The following AMD1 variants were observed in gnomAD, a reference collection of about 807,000 sequenced individuals.
The protein encoded by AMD1 is adenosylmethionine decarboxylase 1, also known as S-adenosylmethionine decarboxylase proenzyme.
Under a neutral mutation model 40.2 loss-of-function variants are expected in AMD1, and 11 were observed. The observed-to-expected ratio is 0.27, with a 90% CI of 0.17 to 0.45. The LOEUF (loss-of-function observed/expected upper bound fraction) is 0.45, where lower values mean the gene tolerates loss of function less well. Among genes scored for constraint, AMD1 ranks in the 20% least tolerant of loss-of-function variants. The pLI is 1.00. For synonymous variants in AMD1, 121 were observed against 130.8 expected, an observed-to-expected ratio of 0.93 and a Z score of 0.51; for missense variants, 257 against 410.2, an observed-to-expected ratio of 0.63 and a Z score of 3.23.
the AMD1 span, among the ~76,000 whole-genome samples, chr6:110,855,705 T>A: frequency 1.3e-5 from 2 of 151,766 alleles, no homozygotes; most frequent in Non-Finnish European, 2.9e-5. Flanking sequence ...AAAGGTAGAG[T>A]GACAAAAATG....
the AMD1 span, among the ~76,000 whole-genome samples, chr6:110,831,555 GA>G: frequency 6.6e-6 from 1 of 151,740 alleles, no homozygotes. Context: ...TTCACCTTCC[GA>G]AGTGCCGGGA....
Position 110,893,981 on chromosome 6 carries a change from A to ACTC in AMD1, c.*365_*366insCTC. On this transcript the variant is annotated 3_prime_UTR_variant, in exon 9 of 9. Transcript: ENST00000368885. The stretch of plus-strand genomic sequence containing the variant: ...GTATCATCCAAAATTCCCCACAGAC[A>ACTC]AGGCTTTCGTCCTCATTAGGTGTTG... The ACTC allele has an allele frequency of 2.8e-5, 6 of 212,426 alleles. No individual in the cohort carries two copies. The highest frequency in any genetic ancestry group is 1.5e-4 in the South Asian group (2 of 12,916). 13.2% of individuals were successfully genotyped at this position (212,426 alleles called of 1,614,324 possible).
chr6:110,856,003 C>T, the AMD1 span, among the ~76,000 whole-genome samples: 2 of 152,122 alleles, frequency 1.3e-5, no homozygotes, highest in African/African-American at 4.8e-5. Context: ...TTAATTGAGC[C>T]TGGGAGGTTG....
At chr6:110,871,642 G>C (rs1180122465), upstream of AMD1, among the ~76,000 whole-genome samples, 3 of 152,222 alleles carry the variant, frequency 2.0e-5, no homozygotes, top group African/African-American at 7.2e-5. Context: ...GAAAGCTTGA[G>C]TTGAAGACAG....
At chr6:110,814,973 C>G in the AMD1 span, 4 of 1,597,330 alleles carry the variant, frequency 2.5e-6, no homozygotes, top group Non-Finnish European at 3.4e-6. Flanking sequence ...AGGGCGAGGA[C>G]CCGAGCGAGC....
the AMD1 span, among the ~76,000 whole-genome samples, chr6:110,838,527 C>T: frequency 6.6e-6 from 1 of 152,034 alleles, no homozygotes; most frequent in Non-Finnish European, 1.5e-5. Context: ...GTATGAAGCA[C>T]CAGGGACCTC....
chr6:110,876,847 C>T (rs1376152858), intron 1 of AMD1, among the ~76,000 whole-genome samples: 1 of 147,458 alleles, frequency 6.8e-6, no homozygotes, highest in African/African-American at 2.7e-5. Context: ...TAAGAACAGT[C>T]CTAGAAAACG....
chr6:110,871,655 G>A (rs1441670652), upstream of AMD1, among the ~76,000 whole-genome samples: 1 of 152,180 alleles, frequency 6.6e-6, no homozygotes, highest in Non-Finnish European at 1.5e-5. Context: ...GAAGACAGCT[G>A]AGTTTTTGTA....
At chr6:110,875,623 G>A (rs1361387068) in intron 1 of AMD1, 1 of 162,200 alleles carries the variant, frequency 6.2e-6, no homozygotes, top group Non-Finnish European at 1.3e-5. Context: ...CCTCCGGCAG[G>A]TGTGGCTCGG....
At position 110,895,515 on chromosome 6, in the gene AMD1, A is replaced by G. The variant is rs1049808; in HGVS notation, c.*1899A>G. 1 of 152,638 alleles carries G rather than the reference A, an allele frequency of 6.6e-6. No homozygotes were observed. 9.5% of individuals were successfully genotyped at this position (152,638 alleles called of 1,614,324 possible). ...AAGAATTCTAATGTTGAAAAACTGC[A>G]CAAATTTTTATGGGACAAAGCCTAG... is the stretch of plus-strand genomic sequence containing the variant. On this transcript the variant is annotated 3_prime_UTR_variant, in exon 9 of 9. Coordinates refer to ENST00000368885, the MANE Select transcript of AMD1 (RefSeq NM_001634.6).
chr6:110,871,357 A>G (rs1247709631), upstream of AMD1, among the ~76,000 whole-genome samples: 2 of 152,242 alleles, frequency 1.3e-5, no homozygotes, highest in East Asian at 3.8e-4. Flanking sequence ...AAACACTACT[A>G]TAGTTAGAAA....
Position 110,894,802 on chromosome 6 carries a change from T to C in AMD1, c.*1186T>C, listed in dbSNP as rs1786219739. 6.6e-6 allele frequency: 1 copy of C among 152,176 alleles called. No individual in the cohort carries two copies. The highest frequency in any genetic ancestry group is 2.4e-5 in the African/African-American group (1 of 41,450). The allele number at this position is 152,176 out of a possible 1,614,324, so 9.4% of individuals were successfully genotyped here. A position where few individuals can be genotyped will look rare whatever the true frequency, so the allele number is the denominator to read the frequency against. On this transcript the variant is annotated 3_prime_UTR_variant, in exon 9 of 9. Coordinates refer to ENST00000368885, the MANE Select transcript of AMD1 (RefSeq NM_001634.6). The stretch of plus-strand genomic sequence containing the variant: ...CTTAAAGTTCTGTGACTGTGATGCA[T>C]GTGAGTGTTCCGACTTCATCTGTTC...
At chr6:110,837,449 G>A in the AMD1 span, among the ~76,000 whole-genome samples, 4 of 151,500 alleles carry the variant, frequency 2.6e-5, no homozygotes, top group Non-Finnish European at 5.9e-5. Context: ...GGTGGCTCAT[G>A]CCTGTAATCC....
intron 1 of AMD1, among the ~76,000 whole-genome samples, chr6:110,877,148 C>CA (rs1429923568): frequency 6.6e-6 from 1 of 152,200 alleles, no homozygotes; most frequent in Non-Finnish European, 1.5e-5. Flanking sequence ...CTTTGAAGGA[C>CA]AAAATATTCC....
the AMD1 span, among the ~76,000 whole-genome samples, chr6:110,826,197 G>A: frequency 3.3e-4 from 48 of 144,916 alleles, 1 homozygote; most frequent in African/African-American, 1.1e-3. Flanking sequence ...GCTTGAACCC[G>A]GGAGGTGGAG....
At chr6:110,815,362 G>A in the AMD1 span, 7 of 399,838 alleles carry the variant, frequency 1.8e-5, no homozygotes, top group Middle Eastern at 6.9e-4. Flanking sequence ...CGCGACGGCG[G>A]CGGCGGCTCC....
rs1277216289 is a variant in AMD1 at position 110,895,302 on chromosome 6, TTCAA to T, written c.*1690_*1693del. The T allele has an allele frequency of 6.6e-6, 1 of 152,162 alleles. No individual in the cohort carries two copies. Among genetic ancestry groups the T allele is most frequent in the Non-Finnish European group, 1.5e-5 (1 of 68,008 alleles). 9.4% of individuals were successfully genotyped at this position (152,162 alleles called of 1,614,324 possible). A position where few individuals can be genotyped will look rare whatever the true frequency, so the allele number is the denominator to read the frequency against. On this transcript the variant is annotated 3_prime_UTR_variant, in exon 9 of 9. Coordinates refer to ENST00000368885, the MANE Select transcript of AMD1 (RefSeq NM_001634.6). ...GATTGAAAATTTCATTGAGGAAGTT[TTCAA>T]TCAGTGTGATCAGTTTGATTCTGTA...
chr6:110,826,378 G>A, the AMD1 span, among the ~76,000 whole-genome samples: 1 of 151,758 alleles, frequency 6.6e-6, no homozygotes, highest in Non-Finnish European at 1.5e-5. Context: ...GGTATGAGAA[G>A]GGCTTGATTG....
chr6:110,820,960 A>G, the AMD1 span, among the ~76,000 whole-genome samples: 1 of 152,202 alleles, frequency 6.6e-6, no homozygotes, highest in Non-Finnish European at 1.5e-5. Flanking sequence ...GGGACCAGAC[A>G]ACAGAACATA....
Sources: allele counts gnomAD v4.1 joint callset (sites outside exome capture counted in the v4.1 genomes callset), GRCh38; gene constraint gnomAD v4.1.1; transcripts MANE v1.5; gene names NCBI Gene and HGNC (gene_info 2026-07-23, HGNC 2026-07-21).